The following AMOTL1 variants were observed in gnomAD, a reference collection of about 807,000 sequenced individuals.
AMOTL1 encodes angiomotin-like protein 1.
Under a neutral mutation model 102.9 loss-of-function variants are expected in AMOTL1, and 45 were observed. That is an observed-to-expected ratio of 0.44 (90% confidence interval 0.34 to 0.56). AMOTL1 has a LOEUF of 0.56. Ranked by LOEUF, AMOTL1 falls within the 20% of genes least tolerant of loss-of-function variation. The probability of loss-of-function intolerance (pLI) is 0.01; values close to 1 mark genes in which losing one functional copy is unlikely to be tolerated. For synonymous variants in AMOTL1, 481 were observed against 484.7 expected (o/e 0.99, Z 0.10); for missense variants, 1,114 against 1,225.6 (o/e 0.91, Z 1.36).
At chr11:94,750,303 C>T (rs537183172) in intron 3 of AMOTL1, among the ~76,000 whole-genome samples, 4 of 152,140 alleles carry the variant, frequency 2.6e-5, no homozygotes, top group African/African-American at 4.8e-5. Context: ...CCGTGAACAC[C>T]GTGATAATTG....
chr11:94,867,279 G>A (rs948375603), intron 11 of AMOTL1, among the ~76,000 whole-genome samples: 3 of 152,192 alleles, frequency 2.0e-5, no homozygotes, highest in Non-Finnish European at 4.4e-5. Flanking sequence ...AAGAAGACGT[G>A]TGTGGACAGC....
In AMOTL1 at chr11:94,857,745, T is replaced by C. The variant is rs564336010; in HGVS notation, c.1945-1780T>C. Among the ~76,000 whole-genome samples, 9 of 152,362 alleles carry C rather than the reference T, an allele frequency of 5.9e-5. No individual in the cohort carries two copies. The East Asian group carries it at 1.7e-3, about 29-fold the overall frequency. ...TGAGGCACAGGGAAGTTAAAGGTCA[T>C]GTAGCTAATGAGGACATTCCTCCCA... On this transcript the variant is annotated intron_variant, in intron 8 of 12. Transcript: ENST00000433060.
intron 6 of AMOTL1, among the ~76,000 whole-genome samples, chr11:94,835,981 A>G (rs1418192625): frequency 1.3e-5 from 2 of 152,252 alleles, no homozygotes; most frequent in Non-Finnish European, 1.5e-5. Flanking sequence ...GCTGTTTTCA[A>G]TGTAGCTGGC....
At chr11:94,784,914 C>A (rs1273521063) in intron 1 of AMOTL1, among the ~76,000 whole-genome samples, 1 of 151,084 alleles carries the variant, frequency 6.6e-6, no homozygotes, top group African/African-American at 2.4e-5. Flanking sequence ...TTCTGACACA[C>A]TGTAAGTTTG....
At chr11:94,784,270 C>T (rs1163190192) in intron 1 of AMOTL1, among the ~76,000 whole-genome samples, 1 of 152,190 alleles carries the variant, frequency 6.6e-6, no homozygotes, top group African/African-American at 2.4e-5. Flanking sequence ...ATTATCCCCC[C>T]ATTCTTAGCA....
At chr11:94,840,722 A>G (rs1367012458) in intron 6 of AMOTL1, among the ~76,000 whole-genome samples, 3 of 149,420 alleles carry the variant, frequency 2.0e-5, no homozygotes, top group Non-Finnish European at 4.4e-5. Flanking sequence ...ATATATACAT[A>G]TATATGTACA....
intron 6 of AMOTL1, among the ~76,000 whole-genome samples, chr11:94,843,291 G>A (rs1952343950): frequency 6.6e-6 from 1 of 152,216 alleles, no homozygotes. Flanking sequence ...TCACTCGTAT[G>A]TGTTGTAACC....
chr11:94,759,410 G>C (rs1173163686), intron 3 of AMOTL1, among the ~76,000 whole-genome samples: 1 of 152,070 alleles, frequency 6.6e-6, no homozygotes, highest in Non-Finnish European at 1.5e-5. Flanking sequence ...TTTTACTTAA[G>C]CATTTGTAGT....
Position 94,753,306 on chromosome 11 carries a change from C to CT in AMOTL1, c.136+12337dup, listed in dbSNP as rs5793697. On this transcript the variant is annotated intron_variant, in intron 3 of 4. Coordinates refer to the AMOTL1 transcript ENST00000299004. ...TTATTCTCATCCTACTGCTTTCCTG[C>CT]TTTTTTTTTTTTTTTTTTTCCTGTC... 6.9e-3 allele frequency among the ~76,000 whole-genome samples: 744 copies of CT among 108,292 alleles called. 8 individuals are homozygous for CT. Among genetic ancestry groups the CT allele is most frequent in the Middle Eastern group, 0.014 (3 of 214 alleles). 71.0% of individuals were successfully genotyped at this position (108,292 alleles called of 152,430 possible).
upstream of AMOTL1, among the ~76,000 whole-genome samples, chr11:94,768,039 C>T (rs914631169): frequency 6.6e-6 from 1 of 152,152 alleles, no homozygotes; most frequent in Non-Finnish European, 1.5e-5. Context: ...GAATTTTGGC[C>T]GGCATTGGGC....
intron 1 of AMOTL1, among the ~76,000 whole-genome samples, chr11:94,726,916 T>A (rs2135452898): frequency 6.6e-6 from 1 of 152,292 alleles, no homozygotes; most frequent in East Asian, 1.9e-4. Flanking sequence ...TTTCCCAAGC[T>A]GAAGTGAAAT....
chr11:94,739,131 C>G (rs916311261), intron 2 of AMOTL1, among the ~76,000 whole-genome samples: 2 of 152,082 alleles, frequency 1.3e-5, no homozygotes, highest in Non-Finnish European at 2.9e-5. Context: ...AGTAATGCAG[C>G]CTGTTATTTT....
intron 2 of AMOTL1, among the ~76,000 whole-genome samples, chr11:94,733,053 T>G (rs182171245): frequency 6.6e-6 from 1 of 152,370 alleles, no homozygotes; most frequent in East Asian, 1.9e-4. Context: ...ATTGAAATCT[T>G]GTGAAGTAGT....
chr11:94,801,596 A>G lies in AMOTL1; in HGVS notation c.1121+1285A>G, dbSNP rs112852187. Among the ~76,000 whole-genome samples, 879 of 152,276 alleles carry G rather than the reference A, an allele frequency of 5.8e-3. 5 individuals are homozygous for G. Among genetic ancestry groups the G allele is most frequent in the African/African-American group, 0.02 (832 of 41,552 alleles). ...GCTCCAGGGATGCTTTCAGTAGTCC[A>G]GATCAGAATTGGTGAGGGTGGCCAA... On this transcript the variant is annotated intron_variant, in intron 3 of 12. Coordinates refer to ENST00000433060, the MANE Select transcript of AMOTL1 (RefSeq NM_130847.3).
intron 1 of AMOTL1, among the ~76,000 whole-genome samples, chr11:94,717,695 C>T (rs1950117074): frequency 6.6e-6 from 1 of 151,798 alleles, no homozygotes. Flanking sequence ...AAAACTGATA[C>T]ATTTAATTAT....
In AMOTL1 at chr11:94,745,389, A is replaced by G. The variant is rs138720753; in HGVS notation, c.136+4401A>G. On this transcript the variant is annotated intron_variant, in intron 3 of 4. Coordinates refer to the AMOTL1 transcript ENST00000299004. The stretch of plus-strand genomic sequence containing the variant: ...AACCTGAAGCTAAGGACTTTCAGCC[A>G]CCAGTTATCTCATTAGCATAAACTC... 4.9e-3 allele frequency among the ~76,000 whole-genome samples: 741 copies of G among 152,084 alleles called. 13 individuals carry two copies. Among genetic ancestry groups the G allele is most frequent in the South Asian group, 0.034 (162 of 4,808 alleles).
chr11:94,738,151 G>A (rs74534653), intron 2 of AMOTL1, among the ~76,000 whole-genome samples: 141 of 152,250 alleles, frequency 9.3e-4, no homozygotes, highest in African/African-American at 3.2e-3. Flanking sequence ...ACAAGAGAGC[G>A]GGAGAGTAAA....
intron 3 of AMOTL1, among the ~76,000 whole-genome samples, chr11:94,749,750 A>G (rs112802955): frequency 0.014 from 2,060 of 152,332 alleles, 49 homozygotes; most frequent in African/African-American, 0.047. Flanking sequence ...GGTGGTGAGG[A>G]TTAAATGCAT....
At chr11:94,760,837 TG>T (rs1950783314) in intron 3 of AMOTL1, among the ~76,000 whole-genome samples, 1 of 152,228 alleles carries the variant, frequency 6.6e-6, no homozygotes, top group Non-Finnish European at 1.5e-5. Flanking sequence ...TTGATGGTTT[TG>T]GGGGAACAGG....
Sources: gnomAD v4.1 joint callset for allele counts (sites outside exome capture counted in the v4.1 genomes callset) on GRCh38, gnomAD v4.1.1 for gene constraint, MANE v1.5 for transcripts, NCBI Gene and HGNC (gene_info 2026-07-23, HGNC 2026-07-21) for gene names.